CD99L2: variants seen among roughly 807,000 people sequenced by gnomAD.
CD99L2 encodes the protein CD99 molecule like 2.
Under a neutral mutation model 27.3 loss-of-function variants are expected in CD99L2, and 24 were observed. The observed-to-expected ratio is 0.88, with a 90% CI of 0.64 to 1.24. The LOEUF (loss-of-function observed/expected upper bound fraction) is 1.24. Ranked by LOEUF, CD99L2 falls within the 50% of genes most tolerant of loss-of-function variation. The pLI, the probability that CD99L2 is intolerant of heterozygous loss-of-function variation, is 0.00. For synonymous variants in CD99L2, 97 were observed against 87.9 expected (o/e 1.10, Z -0.58); for missense variants, 255 against 221.6 (o/e 1.15, Z -0.96).
rs1354852263 is a variant in CD99L2 at position 150,824,534 on chromosome X, AAAG to A, written c.130+6694_130+6696del. On this transcript the variant is annotated intron_variant, in intron 2 of 10. Transcript: ENST00000370377. ...GAAGGAAGGAAGAAGAAAGAAGAAG[AAAG>A]AAGGAAGAAGGAAGAAGAAGAAAGA... 4.9e-3 allele frequency among the ~76,000 whole-genome samples: 457 copies of A among 93,943 alleles called. 7 individuals carry two copies. Among genetic ancestry groups the A allele is most frequent in the Middle Eastern group, 0.012 (2 of 163 alleles). The allele number at this position is 93,943 out of a possible 115,157, so 81.6% of individuals were successfully genotyped here.
At chrX:150,806,302 C>G (rs1275054203) in intron 4 of CD99L2, among the ~76,000 whole-genome samples, 2 of 112,136 alleles carry the variant, frequency 1.8e-5, no homozygotes, top group Admixed American at 9.4e-5. Flanking sequence ...GTCACCCAGG[C>G]TGCAGTGCAG....
chrX:150,800,621 G>T (rs1259320697), intron 4 of CD99L2, among the ~76,000 whole-genome samples: 1 of 111,193 alleles, frequency 9.0e-6, no homozygotes, highest in African/African-American at 3.3e-5. Context: ...TTTGCAGGGG[G>T]TCCCAGAACC....
At chrX:150,857,765 G>A (rs1286364522) in intron 1 of CD99L2, among the ~76,000 whole-genome samples, 1 of 112,041 alleles carries the variant, frequency 8.9e-6, no homozygotes, top group African/African-American at 3.2e-5. Flanking sequence ...CAAACAATAA[G>A]AGAAGAAAAG....
intron 7 of CD99L2, among the ~76,000 whole-genome samples, chrX:150,784,683 A>G (rs1557419505): frequency 8.9e-6 from 1 of 112,730 alleles, no homozygotes; most frequent in East Asian, 2.8e-4. Context: ...TCGCCAATCA[A>G]AAGTATCACT....
intron 4 of CD99L2, among the ~76,000 whole-genome samples, chrX:150,809,183 A>G (rs1305880534): frequency 9.0e-6 from 1 of 111,667 alleles, no homozygotes; most frequent in Non-Finnish European, 1.9e-5. Flanking sequence ...GGAAGACCCA[A>G]TTTTGGATTT....
In CD99L2 at chrX:150,770,377, G is replaced by C. The variant is rs782323798; in HGVS notation, c.656-8C>G. ...AGTCTGCGTTGAGACCCTCTGCAAA[G>C]GGAAAAGGGCAGAGTTAGTGATGCG... On this transcript the variant is annotated splice_polypyrimidine_tract_variant and splice_region_variant and intron_variant, in intron 9 of 10. Transcript: ENST00000370377. 5 of 1,207,721 alleles carry C rather than the reference G, an allele frequency of 4.1e-6. No homozygotes were observed. Among genetic ancestry groups the C allele is most frequent in the East Asian group, 3.0e-5 (1 of 33,741 alleles).
Position 150,787,072 on chromosome X carries a change from T to C in CD99L2, c.496+6619A>G, listed in dbSNP as rs148932807. Among the ~76,000 whole-genome samples the C allele has an allele frequency of 9.0e-3, 1,012 of 112,489 alleles. 18 individuals are homozygous for C. Among genetic ancestry groups the C allele is most frequent in the African/African-American group, 0.031 (958 of 30,936 alleles). ...CTTTTTAATGGGATGGTTTGTTTTT[T>C]GCTAGTAAATTTGTTTAAGTTCCTT... On this transcript the variant is annotated intron_variant, in intron 7 of 10. Coordinates refer to ENST00000370377, the MANE Select transcript of CD99L2 (RefSeq NM_031462.4).
intron 9 of CD99L2, among the ~76,000 whole-genome samples, chrX:150,775,360 G>C (rs1557419221): frequency 8.9e-6 from 1 of 112,365 alleles, no homozygotes; most frequent in Admixed American, 9.3e-5. Flanking sequence ...TCAGCAAACA[G>C]TGACAGAGCA....
chrX:150,868,084 AAATAATAATAAT>A lies in CD99L2; in HGVS notation c.67+30426_67+30437del, dbSNP rs781930485. ...GCGACAGAGTGAGACTCCATCTCAA[AAATAATAATAAT>A]AATAATAATAATAATAATAATAATA... On this transcript the variant is annotated intron_variant, in intron 1 of 10. Coordinates refer to ENST00000370377, the MANE Select transcript of CD99L2 (RefSeq NM_031462.4). 1.5e-3 allele frequency among the ~76,000 whole-genome samples: 145 copies of A among 96,460 alleles called. 1 individual carries two copies. The Middle Eastern group carries it at 0.016, about 11-fold the overall frequency. The allele number at this position is 96,460 out of a possible 115,157, so 83.8% of individuals were successfully genotyped here.
At chrX:150,771,919 C>T in intron 9 of CD99L2, 1 of 961,077 alleles carries the variant, frequency 1.0e-6, no homozygotes, top group East Asian at 3.4e-5. Flanking sequence ...GCAAGGGAAG[C>T]CAAGGGTCCC....
At chrX:150,785,622 GCCAGAAAGTGACAC>G (rs1224286227) in intron 7 of CD99L2, among the ~76,000 whole-genome samples, 1 of 111,117 alleles carries the variant, frequency 9.0e-6, no homozygotes, top group East Asian at 2.8e-4. Flanking sequence ...TAACCATCAT[GCCAGAAAGTGACAC>G]CCAGTTGATC....
chrX:150,870,920 C>T (rs1335685335), intron 1 of CD99L2, among the ~76,000 whole-genome samples: 6 of 111,242 alleles, frequency 5.4e-5, no homozygotes, highest in Non-Finnish European at 5.6e-5. Context: ...CGAGGAGTGA[C>T]GGGAGCACTC....
chrX:150,871,862 C>T (rs1557422196), intron 1 of CD99L2, among the ~76,000 whole-genome samples: 1 of 111,547 alleles, frequency 9.0e-6, no homozygotes, highest in Non-Finnish European at 1.9e-5. Context: ...CATGAAAGAG[C>T]TAGAAACAAA....
rs200882361 is a variant in CD99L2 at position 150,782,535 on chromosome X, T to C, written c.497-5053A>G. 4.5e-5 allele frequency among the ~76,000 whole-genome samples: 5 copies of C among 112,149 alleles called. No homozygotes were observed. The East Asian group carries it at 1.4e-3, about 31-fold the overall frequency. On this transcript the variant is annotated intron_variant, in intron 7 of 10. Transcript: ENST00000370377. The stretch of plus-strand genomic sequence containing the variant: ...TCCTGAGATACCAGCAAGGTGGTCA[T>C]CTAGGACAAAAGCCATGTTCACGCC...
intron 1 of CD99L2, among the ~76,000 whole-genome samples, chrX:150,865,136 G>C (rs1350874678): frequency 1.8e-5 from 2 of 110,359 alleles, no homozygotes; most frequent in Non-Finnish European, 3.8e-5. Context: ...AGGAAAAAAA[G>C]AGTGGTGCTT....
intron 4 of CD99L2, among the ~76,000 whole-genome samples, chrX:150,809,960 T>C (rs191304504): frequency 8.9e-6 from 1 of 112,137 alleles, no homozygotes. Context: ...ACTCAAAATA[T>C]ATGAAACAAA....
At chrX:150,896,894 A>G (rs782315230) in intron 1 of CD99L2, among the ~76,000 whole-genome samples, 1 of 112,390 alleles carries the variant, frequency 8.9e-6, no homozygotes, top group South Asian at 3.7e-4. Context: ...TTCCTCATCT[A>G]TAAAACAGAT....
At chrX:150,867,516 C>T (rs2047080504) in intron 1 of CD99L2, among the ~76,000 whole-genome samples, 1 of 111,988 alleles carries the variant, frequency 8.9e-6, no homozygotes, top group Non-Finnish European at 1.9e-5. Context: ...GTAATCCCAG[C>T]ACTTTGGGAG....
Position 150,768,615 on chromosome X carries a change from G to A in CD99L2, c.*419C>T. The A allele has an allele frequency of 7.2e-6, 1 of 139,818 alleles. No individual in the cohort carries two copies. Among genetic ancestry groups the A allele is most frequent in the Non-Finnish European group, 1.4e-5 (1 of 71,276 alleles). The allele number at this position is 139,818 out of a possible 1,213,427, so 11.5% of individuals were successfully genotyped here. ...GGCCACTGTCAGGGGCTGTCTATTG[G>A]CAGAAACCTGCCACAATGAGCCACT... On this transcript the variant is annotated 3_prime_UTR_variant, in exon 11 of 11. Transcript: ENST00000370377.
Sources: gnomAD v4.1 joint callset for allele counts (sites outside exome capture counted in the v4.1 genomes callset) on GRCh38, gnomAD v4.1.1 for gene constraint, MANE v1.5 for transcripts, NCBI Gene and HGNC (gene_info 2026-07-23, HGNC 2026-07-21) for gene names.